The following DNAH3 variants were observed in gnomAD, a reference collection of about 807,000 sequenced individuals.
DNAH3 encodes dynein axonemal heavy chain 3.
Under a neutral mutation model 432.5 loss-of-function variants are expected in DNAH3, and 332 were observed. The ratio of observed to expected loss-of-function variants is 0.77; its 90% confidence interval spans 0.70 to 0.84. DNAH3 has a LOEUF of 0.84. DNAH3 is among the 40% of genes least tolerant of loss of function. The pLI is 0.00. For missense variants in DNAH3, 4,861 were observed against 5,114.0 expected (o/e 0.95, Z 1.51); for synonymous variants, 1,956 against 1,900.2 (o/e 1.03, Z -0.76).
rs200472753 is a variant in DNAH3, at chr16:21,010,888, G to GT, written c.6023-7682dup. Among the ~76,000 whole-genome samples the GT allele has an allele frequency of 4.4e-3, 617 of 138,734 alleles. 5 individuals carry two copies. Among genetic ancestry groups the GT allele is most frequent in the African/African-American group, 9.5e-3 (340 of 35,794 alleles). The allele number at this position is 138,734 out of a possible 152,430, so 91.0% of individuals were successfully genotyped here. ...GAACCACCACGCCCGGCCAAAACCT[G>GT]TTTTTTTTTTTTTGTTTTTTTTTGT... On this transcript the variant is annotated intron_variant, in intron 41 of 61. Transcript: ENST00000261383.
chr16:21,136,330 T>C, exon 6 of DNAH3: 1 of 1,613,828 alleles, frequency 6.2e-7, no homozygotes, highest in Non-Finnish European at 8.5e-7. Context: ...TTACCGATGC[T>C]TTTCATGAGG....
At chr16:20,942,572 C>G (rs949653551) in intron 58 of DNAH3, among the ~76,000 whole-genome samples, 1 of 152,086 alleles carries the variant, frequency 6.6e-6, no homozygotes, top group Non-Finnish European at 1.5e-5. Flanking sequence ...AGCAAATTAG[C>G]AAATTCTACA....
chr16:21,002,587 A>T (rs3103815), intron 42 of DNAH3, among the ~76,000 whole-genome samples: 3 of 151,644 alleles, frequency 2.0e-5, no homozygotes, highest in Non-Finnish European at 2.9e-5. Context: ...TCAGCCTCCC[A>T]AGTAGCTGGG....
At chr16:21,097,443 C>T (rs750728821) in exon 18 of DNAH3, 25 of 1,613,798 alleles carry the variant, frequency 1.5e-5, no homozygotes, top group Non-Finnish European at 1.9e-5. Flanking sequence ...GCATGGCCTG[C>T]AGAAGAGGGT....
intron 57 of DNAH3, among the ~76,000 whole-genome samples, chr16:20,947,918 G>A (rs75422206): frequency 0.029 from 4,467 of 152,176 alleles, 197 homozygotes; most frequent in African/African-American, 0.1. Context: ...TGGGATTACA[G>A]GCAGGCGCCA....
At chr16:21,071,156 C>G (rs1316803490) in intron 21 of DNAH3, among the ~76,000 whole-genome samples, 1 of 152,146 alleles carries the variant, frequency 6.6e-6, no homozygotes, top group African/African-American at 2.4e-5. Context: ...GATTCTCCTG[C>G]CTCAGCCTCC....
chr16:21,120,239 G>C (rs2092306719), intron 11 of DNAH3, among the ~76,000 whole-genome samples: 1 of 151,638 alleles, frequency 6.6e-6, no homozygotes, highest in Admixed American at 6.6e-5. Context: ...GAGTAGCTAG[G>C]ACTACAGACG....
chr16:21,068,333 G>GGGGT (rs2090651731), intron 23 of DNAH3, among the ~76,000 whole-genome samples: 1 of 129,562 alleles, frequency 7.7e-6, no homozygotes, highest in Non-Finnish European at 1.6e-5. Flanking sequence ...GGTGGGGGGG[G>GGGGT]GGACAGAGTC....
intron 3 of DNAH3, among the ~76,000 whole-genome samples, chr16:21,142,654 CTTT>C (rs11336320): frequency 1.6e-4 from 22 of 136,354 alleles, no homozygotes; most frequent in Admixed American, 1.5e-4. Context: ...TACAAAAATC[CTTT>C]TTTTTTTTTT....
At chr16:21,133,494 A>C (rs1257787551) in intron 7 of DNAH3, among the ~76,000 whole-genome samples, 2 of 152,048 alleles carry the variant, frequency 1.3e-5, no homozygotes, top group Non-Finnish European at 2.9e-5. Context: ...TAATCCCAGC[A>C]CTTTGGGAGG....
At chr16:21,063,264 T>C (rs2152754559) in intron 24 of DNAH3, among the ~76,000 whole-genome samples, 1 of 152,266 alleles carries the variant, frequency 6.6e-6, no homozygotes. Flanking sequence ...GGAGTGCGGC[T>C]GATGAAATTT....
At chr16:20,938,744 C>G (rs1035383463) in intron 59 of DNAH3, among the ~76,000 whole-genome samples, 3 of 149,590 alleles carry the variant, frequency 2.0e-5, no homozygotes, top group African/African-American at 7.4e-5. Context: ...GATGATTAAT[C>G]CTGACCATCA....
intron 51 of DNAH3, among the ~76,000 whole-genome samples, chr16:20,970,761 A>G (rs1265810586): frequency 2.6e-5 from 4 of 152,086 alleles, no homozygotes; most frequent in Non-Finnish European, 1.5e-5. Flanking sequence ...GAATTGACCA[A>G]TGTAAGCAAA....
intron 37 of DNAH3, among the ~76,000 whole-genome samples, chr16:21,028,506 CA>C (rs796929596): frequency 0.11 from 8,712 of 80,014 alleles, 628 homozygotes; most frequent in African/African-American, 0.28. Flanking sequence ...ACTAAAAGTA[CA>C]AAAAAAAAAA....
chr16:21,119,970 G>A (rs189208324), intron 11 of DNAH3, among the ~76,000 whole-genome samples: 1 of 152,308 alleles, frequency 6.6e-6, no homozygotes, highest in African/African-American at 2.4e-5. Flanking sequence ...GATTACAGGT[G>A]TGAGCCACTG....
chr16:21,149,868 T>G (rs910926970), intron 1 of DNAH3, among the ~76,000 whole-genome samples: 1 of 152,162 alleles, frequency 6.6e-6, no homozygotes, highest in African/African-American at 2.4e-5. Context: ...AATACACTTG[T>G]TCAGTCAAGG....
intron 50 of DNAH3, among the ~76,000 whole-genome samples, chr16:20,977,477 T>G (rs980711605): frequency 6.7e-6 from 1 of 149,592 alleles, no homozygotes; most frequent in Non-Finnish European, 1.5e-5. Context: ...GTCATGATTC[T>G]GCCTTTTAAG....
chr16:21,076,069 G>A (rs997008410), intron 20 of DNAH3, among the ~76,000 whole-genome samples: 25 of 152,008 alleles, frequency 1.6e-4, no homozygotes, highest in Non-Finnish European at 2.2e-4. Context: ...CCTTGGCACC[G>A]TTGACTTTTT....
intron 42 of DNAH3, among the ~76,000 whole-genome samples, chr16:21,002,646 A>C (rs190080607): frequency 9.3e-4 from 142 of 152,136 alleles, no homozygotes; most frequent in African/African-American, 3.3e-3. Context: ...TTTTTAGTAG[A>C]GATGCGGTTT....
Sources: allele counts gnomAD v4.1 joint callset (sites outside exome capture counted in the v4.1 genomes callset), GRCh38; gene constraint gnomAD v4.1.1; transcripts MANE v1.5; gene names NCBI Gene and HGNC (gene_info 2026-07-23, HGNC 2026-07-21).